LUZP2: variants seen among roughly 807,000 people sequenced by gnomAD.
The protein encoded by LUZP2 is leucine zipper protein 2.
In LUZP2, 52 loss-of-function variants were observed where a neutral mutation model predicts 51.6. The observed-to-expected ratio is 1.01, with a 90% CI of 0.81 to 1.27. The LOEUF is 1.27. Among genes scored for constraint, LUZP2 ranks in the 50% most tolerant of loss-of-function variants. The probability of loss-of-function intolerance (pLI) is 0.00; values close to 1 mark genes in which losing one functional copy is unlikely to be tolerated. For missense variants in LUZP2, 436 were observed against 395.4 expected (o/e 1.10, Z -0.87); for synonymous variants, 154 against 137.3 (o/e 1.12, Z -0.85).
intron 5 of LUZP2, among the ~76,000 whole-genome samples, chr11:24,795,113 A>G (rs1849512900): frequency 6.6e-6 from 1 of 152,162 alleles, no homozygotes; most frequent in East Asian, 1.9e-4. Flanking sequence ...ATAATTATTT[A>G]TGTTTGTTTC....
chr11:24,582,163 A>ATC (rs1852881900), intron 1 of LUZP2, among the ~76,000 whole-genome samples: 1 of 152,184 alleles, frequency 6.6e-6, no homozygotes, highest in Non-Finnish European at 1.5e-5. Flanking sequence ...TGATGTGGTT[A>ATC]TCTAACATAA....
intron 9 of LUZP2, among the ~76,000 whole-genome samples, chr11:25,025,980 A>G (rs1033818834): frequency 6.6e-6 from 1 of 152,268 alleles, no homozygotes; most frequent in Non-Finnish European, 1.5e-5. Flanking sequence ...GAATGAGTTC[A>G]TGTCCTTTGT....
chr11:24,722,193 A>G (rs1049248110), intron 1 of LUZP2, among the ~76,000 whole-genome samples: 3 of 152,216 alleles, frequency 2.0e-5, no homozygotes, highest in Non-Finnish European at 4.4e-5. Context: ...ACTAAGTCTA[A>G]AAAGGACAAA....
chr11:24,853,309 T>C (rs113333402), intron 5 of LUZP2, among the ~76,000 whole-genome samples: 79 of 152,178 alleles, frequency 5.2e-4, no homozygotes, highest in African/African-American at 1.9e-3. Flanking sequence ...CTGTAAAGGA[T>C]TTAGTTTCAC....
rs572349755 is a variant in LUZP2 at position 25,024,036 on chromosome 11, A to G, written c.766-26002A>G. Reference sequence around the variant, plus strand: ...ATTTCTGTTCTTTTACATCTGCTGAAGGGTGCTTTACTTCCAACTATGTGG... The same window carrying G: ...ATTTCTGTTCTTTTACATCTGCTGAGGGGTGCTTTACTTCCAACTATGTGG... On this transcript the variant is annotated intron_variant, in intron 9 of 11. Coordinates refer to ENST00000336930, the MANE Select transcript of LUZP2 (RefSeq NM_001009909.4). Among the ~76,000 whole-genome samples, 4 of 152,158 alleles carry G rather than the reference A, an allele frequency of 2.6e-5. No individual in the cohort carries two copies. In the South Asian group the frequency reaches 8.3e-4, roughly 32 times the overall value.
intron 6 of LUZP2, among the ~76,000 whole-genome samples, chr11:24,914,089 T>G (rs1042379131): frequency 6.6e-6 from 1 of 152,092 alleles, no homozygotes; most frequent in Non-Finnish European, 1.5e-5. Context: ...TTATTCTAAT[T>G]TAATTTAAAA....
At chr11:24,533,355 T>A (rs1475939681) in intron 1 of LUZP2, among the ~76,000 whole-genome samples, 2 of 151,376 alleles carry the variant, frequency 1.3e-5, no homozygotes, top group Non-Finnish European at 3.0e-5. Context: ...AAGAGTTATA[T>A]CCTACCCATT....
intron 9 of LUZP2, among the ~76,000 whole-genome samples, chr11:25,001,130 T>C (rs994158548): frequency 6.6e-6 from 1 of 152,190 alleles, no homozygotes; most frequent in Non-Finnish European, 1.5e-5. Flanking sequence ...AACTCTACTT[T>C]TGTTGAAAAC....
chr11:24,602,203 T>G, intron 1 of LUZP2, among the ~76,000 whole-genome samples: 1 of 95,206 alleles, frequency 1.1e-5, no homozygotes, highest in Non-Finnish European at 2.2e-5. Flanking sequence ...TATGTACATA[T>G]ATGTGTATAT....
chr11:24,914,268 A>T (rs1038903528), intron 6 of LUZP2, among the ~76,000 whole-genome samples: 2 of 152,108 alleles, frequency 1.3e-5, no homozygotes, highest in African/African-American at 4.8e-5. Context: ...CATGTTTTAA[A>T]CAAGCTTCGG....
chr11:24,613,494 T>G (rs770791593), intron 1 of LUZP2, among the ~76,000 whole-genome samples: 17 of 152,114 alleles, frequency 1.1e-4, no homozygotes, highest in Non-Finnish European at 2.1e-4. Context: ...ATTTAACTTT[T>G]TTTTAATTTC....
intron 7 of LUZP2, among the ~76,000 whole-genome samples, chr11:24,937,826 G>A (rs1196275776): frequency 2.6e-5 from 4 of 151,728 alleles, no homozygotes; most frequent in South Asian, 2.1e-4. Flanking sequence ...GTGTGAACCC[G>A]GGAGGCGGAG....
intron 1 of LUZP2, among the ~76,000 whole-genome samples, chr11:24,584,948 T>TA (rs568158232): frequency 2.0e-4 from 31 of 152,322 alleles, no homozygotes; most frequent in Middle Eastern, 3.4e-3. Context: ...TCCACCTACA[T>TA]AATCTAACTT....
intron 5 of LUZP2, among the ~76,000 whole-genome samples, chr11:24,770,330 T>C (rs941025011): frequency 2.0e-5 from 3 of 152,190 alleles, no homozygotes; most frequent in Non-Finnish European, 4.4e-5. Context: ...ATTAGGTCAG[T>C]AATCATAAGA....
At chr11:24,511,521 G>A (rs1461745887) in intron 1 of LUZP2, among the ~76,000 whole-genome samples, 3 of 151,980 alleles carry the variant, frequency 2.0e-5, no homozygotes, top group African/African-American at 7.3e-5. Context: ...GGACAGATAG[G>A]GACAGAACTA....
chr11:24,948,069 A>C (rs1182229173), intron 7 of LUZP2, among the ~76,000 whole-genome samples: 1 of 151,856 alleles, frequency 6.6e-6, no homozygotes, highest in Non-Finnish European at 1.5e-5. Flanking sequence ...TAGTGTGCTT[A>C]ATGGTGTCCC....
chr11:24,612,970 CAA>C, intron 1 of LUZP2, among the ~76,000 whole-genome samples: 1 of 152,052 alleles, frequency 6.6e-6, no homozygotes, highest in South Asian at 2.1e-4. Context: ...AAATGTTTAG[CAA>C]ACAAGCAGTT....
intron 1 of LUZP2, among the ~76,000 whole-genome samples, chr11:24,657,584 A>G (rs1259282491): frequency 6.6e-6 from 1 of 152,148 alleles, no homozygotes; most frequent in Non-Finnish European, 1.5e-5. Context: ...CAGGGCAATC[A>G]TGCAGGAGAA....
At chr11:24,514,297 G>A (rs1850398285) in intron 1 of LUZP2, among the ~76,000 whole-genome samples, 1 of 152,166 alleles carries the variant, frequency 6.6e-6, no homozygotes, top group South Asian at 2.1e-4. Flanking sequence ...AGATGGTGAT[G>A]ATCAGTCTTT....
Sources: gnomAD v4.1 joint callset for allele counts (sites outside exome capture counted in the v4.1 genomes callset) on GRCh38, gnomAD v4.1.1 for gene constraint, MANE v1.5 for transcripts, NCBI Gene and HGNC (gene_info 2026-07-23, HGNC 2026-07-21) for gene names.